Variants in OR52A5 observed in about 807,000 individuals in gnomAD.
OR52A5 encodes olfactory receptor 52A5.
OR52A5 carries 16 observed loss-of-function variants against 18.2 expected under a neutral mutation model. That is an observed-to-expected ratio of 0.88 (90% CI 0.60 to 1.34). OR52A5 has a LOEUF of 1.34. Ranked by LOEUF, OR52A5 falls within the 40% of genes most tolerant of loss-of-function variation. The probability of loss-of-function intolerance (pLI) is 0.00; values close to 1 mark genes in which losing one functional copy is unlikely to be tolerated. For synonymous variants in OR52A5, 140 were observed against 137.2 expected (o/e 1.02, Z -0.14); for missense variants, 418 against 383.0 (o/e 1.09, Z -0.76).
rs1040060270 is a variant in OR52A5, at chr11:5,132,781, T to C, written c.-60-79A>G. 6 of 540,482 alleles carry C rather than the reference T, an allele frequency of 1.1e-5. No individual in the cohort carries two copies. In the African/African-American group the frequency reaches 1.1e-4, roughly 10 times the overall value. 33.5% of individuals were successfully genotyped at this position (540,482 alleles called of 1,614,324 possible). A position where few individuals can be genotyped will look rare whatever the true frequency, so the allele number is the denominator to read the frequency against. Reference sequence around the variant, plus strand: ...TAGTTATTTTAGGAGTGTATCATGTTGTATTTTCTATTCTAACTAATCTTC... The same window carrying C: ...TAGTTATTTTAGGAGTGTATCATGTCGTATTTTCTATTCTAACTAATCTTC... On this transcript the variant is annotated intron_variant, in intron 1 of 1. Transcript: ENST00000307388.
At position 5,132,627 on chromosome 11, in the gene OR52A5, C is replaced by T. The variant is rs768908284; in HGVS notation, c.16G>A (p.Gly6Ser). Residue 6 changes from glycine (G) to serine (S), a missense_variant, in exon 2 of 2, where the codon GGC (glycine) becomes AGC (serine). Physicochemically the swap from Gly to Ser is moderately conservative, Grantham distance 56 (BLOSUM62 0). Transcript: ENST00000307388. The part of the protein sequence containing the change: MPTFN[G>S]SVFMPSAFIL... ...AACGCAGAGGGCATGAAGACTGAGC[C>T]ATTGAATGTCGGCATGATTTGTTCA... The T allele has an allele frequency of 1.4e-5, 23 of 1,589,676 alleles. No individual in the cohort carries two copies. The highest frequency in any genetic ancestry group is 1.5e-5 in the Non-Finnish European group (18 of 1,167,070).
In OR52A5 at chr11:5,129,057, G is replaced by C. The variant is rs1362575593; in HGVS notation, c.*2635C>G. 3 of 152,162 alleles carry C rather than the reference G, an allele frequency of 2.0e-5. No homozygotes were observed. Among genetic ancestry groups the C allele is most frequent in the African/African-American group, 7.2e-5 (3 of 41,428 alleles). 9.4% of individuals were successfully genotyped at this position (152,162 alleles called of 1,614,324 possible). A position where few individuals can be genotyped will look rare whatever the true frequency, so the allele number is the denominator to read the frequency against. ...GTTGTCTCAGCATGCTTCTGAGAAT[G>C]TTACACACAGCTCTGCCCAAAGACA... On this transcript the variant is annotated 3_prime_UTR_variant, in exon 2 of 2. Coordinates refer to ENST00000307388, the MANE Select transcript of OR52A5 (RefSeq NM_001005160.3).
chr11:5,133,379 A>G (rs1423346342), intron 1 of OR52A5, among the ~76,000 whole-genome samples: 3 of 150,312 alleles, frequency 2.0e-5, no homozygotes, highest in South Asian at 2.1e-4. Context: ...AAAAAAAAAA[A>G]AAAAAAAAGA....
Position 5,132,423 on chromosome 11 carries a change from C to T in OR52A5, c.220G>A (p.Ala74Thr). Residue 74 changes from alanine to threonine, a missense_variant, in exon 2 of 2, where the codon GCA becomes ACA. Physicochemically the swap from Ala to Thr is moderately conservative, Grantham distance 58. Coordinates refer to ENST00000307388, the MANE Select transcript of OR52A5 (RefSeq NM_001005160.3). ...FLAMLAATDIALNTCILPKML... is the reference protein window; with the variant it reads ...FLAMLAATDITLNTCILPKML... ...TTGGGAAGAATGCAGGTGTTAAGTG[C>T]AATGTCTGTGGCTGCCAACATGGCC... 6.2e-7 allele frequency: 1 copy of T among 1,614,108 alleles called. No individual in the cohort carries two copies. The highest frequency in any genetic ancestry group is 8.5e-7 in the Non-Finnish European group (1 of 1,179,994).
At chr11:5,137,519 T>C (rs1049769723) in intron 1 of OR52A5, among the ~76,000 whole-genome samples, 7 of 151,918 alleles carry the variant, frequency 4.6e-5, no homozygotes, top group African/African-American at 1.7e-4. Flanking sequence ...TCTCTCTCTT[T>C]TTTTTTTTTT....
Position 5,132,629 on chromosome 11 carries a change from T to C in OR52A5, c.14A>G (p.Asn5Ser), listed in dbSNP as rs528969008. 69 of 1,589,994 alleles carry C rather than the reference T, an allele frequency of 4.3e-5. 1 individual carries two copies. Among genetic ancestry groups the C allele is most frequent in the African/African-American group, 3.6e-4 (27 of 74,120 alleles). Reference protein sequence around the residue: MPTFNGSVFMPSAFI... With the variant: MPTFSGSVFMPSAFI... ...CGCAGAGGGCATGAAGACTGAGCCA[T>C]TGAATGTCGGCATGATTTGTTCATC... Residue 5 changes from asparagine to serine, a missense_variant, in exon 2 of 2, where the codon AAT becomes AGT. Asn to Ser is a conservative substitution (Grantham distance 46). Coordinates refer to ENST00000307388, the MANE Select transcript of OR52A5 (RefSeq NM_001005160.3).
chr11:5,130,711 A>AT lies in OR52A5; in HGVS notation c.*980dup, dbSNP rs1846328817. The AT allele has an allele frequency of 6.6e-6, 1 of 151,978 alleles. No homozygotes were observed. The highest frequency in any genetic ancestry group is 2.4e-5 in the African/African-American group (1 of 41,408). 9.4% of individuals were successfully genotyped at this position (151,978 alleles called of 1,614,324 possible). A position where few individuals can be genotyped will look rare whatever the true frequency, so the allele number is the denominator to read the frequency against. On this transcript the variant is annotated 3_prime_UTR_variant, in exon 2 of 2. Coordinates refer to ENST00000307388, the MANE Select transcript of OR52A5 (RefSeq NM_001005160.3). Reference sequence around the variant, plus strand: ...CTATGTCTGCCTCTTGAATGATATGATTTTTTACATCAGAACGTTTTACCA... The same window carrying AT: ...CTATGTCTGCCTCTTGAATGATATGATTTTTTTACATCAGAACGTTTTACCA...
In OR52A5 at chr11:5,131,868, A is replaced by C. The variant is rs769914127; in HGVS notation, c.775T>G (p.Phe259Val). ...CVFLQFYLLA[F>V]FSFFTHRFGS... is the part of the protein sequence containing the mutation. ...AACCTGTGTGTGAAGAAAGAGAAGA[A>C]GGCAAGAAGGTAGAACTGTAGGAAG... The change falls in exon 2 of 2, where the codon TTC becomes GTC. Residue 259 changes from phenylalanine to valine, a missense_variant. Transcript: ENST00000307388. 1.1e-5 allele frequency: 18 copies of C among 1,614,110 alleles called. No individual in the cohort carries two copies. The highest frequency in any genetic ancestry group is 2.2e-5 in the East Asian group (1 of 44,896).
rs2133520207 is a variant in OR52A5 at position 5,128,919 on chromosome 11, T to TTA, written c.*2771_*2772dup. The stretch of plus-strand genomic sequence containing the variant: ...GGTAGTGATGATGGTTGCACAGCCT[T>TTA]TATAATACACTAAAAATCATCAAAT... On this transcript the variant is annotated 3_prime_UTR_variant, in exon 2 of 2. Coordinates refer to ENST00000307388, the MANE Select transcript of OR52A5 (RefSeq NM_001005160.3). The TTA allele has an allele frequency of 6.6e-6, 1 of 152,138 alleles. No individual in the cohort carries two copies. Among genetic ancestry groups the TTA allele is most frequent in the South Asian group, 2.1e-4 (1 of 4,826 alleles). 9.4% of individuals were successfully genotyped at this position (152,138 alleles called of 1,614,324 possible). A position where few individuals can be genotyped will look rare whatever the true frequency, so the allele number is the denominator to read the frequency against.
At position 5,130,044 on chromosome 11, in the gene OR52A5, T is replaced by C. The variant is rs947761764; in HGVS notation, c.*1648A>G. 6.6e-6 allele frequency: 1 copy of C among 152,152 alleles called. No individual in the cohort carries two copies. Among genetic ancestry groups the C allele is most frequent in the African/African-American group, 2.4e-5 (1 of 41,430 alleles). The allele number at this position is 152,152 out of a possible 1,614,324, so 9.4% of individuals were successfully genotyped here. A position where few individuals can be genotyped will look rare whatever the true frequency, so the allele number is the denominator to read the frequency against. On this transcript the variant is annotated 3_prime_UTR_variant, in exon 2 of 2. Transcript: ENST00000307388. ...CATTAGATAATGTGCATTTTTAAGATCTTTGTTGTTTGTCTTCCCTCATAC... is the reference window on the plus strand; with the variant it reads ...CATTAGATAATGTGCATTTTTAAGACCTTTGTTGTTTGTCTTCCCTCATAC...
chr11:5,135,647 T>C (rs578213579), intron 1 of OR52A5, among the ~76,000 whole-genome samples: 119 of 152,304 alleles, frequency 7.8e-4, no homozygotes, highest in African/African-American at 2.8e-3. Flanking sequence ...ACCCAGAGGC[T>C]TCATCTGCAT....
chr11:5,131,665 C>G lies in OR52A5; in HGVS notation c.*27G>C. On this transcript the variant is annotated 3_prime_UTR_variant, in exon 2 of 2. Coordinates refer to ENST00000307388, the MANE Select transcript of OR52A5 (RefSeq NM_001005160.3). ...TTTAGGTTTTTACTTAGAACCAACC[C>G]TAAATCTCTATAGGAGTCACTAACG... 6.9e-7 allele frequency: 1 copy of G among 1,447,616 alleles called. No individual in the cohort carries two copies. Among genetic ancestry groups the G allele is most frequent in the Non-Finnish European group, 9.6e-7 (1 of 1,044,420 alleles). The allele number at this position is 1,447,616 out of a possible 1,614,324, so 89.7% of individuals were successfully genotyped here. A position where few individuals can be genotyped will look rare whatever the true frequency, so the allele number is the denominator to read the frequency against.
intron 1 of OR52A5, among the ~76,000 whole-genome samples, chr11:5,133,746 C>T (rs1054798892): frequency 6.6e-6 from 1 of 152,058 alleles, no homozygotes; most frequent in Non-Finnish European, 1.5e-5. Context: ...CCAACATATA[C>T]CCTCTAATTT....
chr11:5,133,363 C>CAAA (rs745895019), intron 1 of OR52A5, among the ~76,000 whole-genome samples: 307 of 62,200 alleles, frequency 4.9e-3, no homozygotes, highest in East Asian at 6.4e-3. Context: ...GCGAGACTGT[C>CAAA]AAAAAAAAAA....
At position 5,130,496 on chromosome 11, in the gene OR52A5, T is replaced by G. The variant is rs568620678; in HGVS notation, c.*1196A>C. 6 of 152,172 alleles carry G rather than the reference T, an allele frequency of 3.9e-5. No individual in the cohort carries two copies. Among genetic ancestry groups the G allele is most frequent in the African/African-American group, 1.4e-4 (6 of 41,568 alleles). 9.4% of individuals were successfully genotyped at this position (152,172 alleles called of 1,614,324 possible). On this transcript the variant is annotated 3_prime_UTR_variant, in exon 2 of 2. Coordinates refer to ENST00000307388, the MANE Select transcript of OR52A5 (RefSeq NM_001005160.3). ...TCCAGAATTAAAATGGTTATTTCAT[T>G]ATTAAGTTTTGCTTATCTAATTCAA...
At chr11:5,134,908 C>T (rs886480519) in intron 1 of OR52A5, among the ~76,000 whole-genome samples, 4 of 152,102 alleles carry the variant, frequency 2.6e-5, no homozygotes, top group African/African-American at 7.2e-5. Flanking sequence ...TTGAGATTAT[C>T]GCCCAGGCTG....
rs563491942 is a variant in OR52A5 at position 5,132,416 on chromosome 11, T to A, written c.227A>T (p.Asn76Ile). The A allele has an allele frequency of 5.6e-6, 9 of 1,614,180 alleles. No homozygotes were observed. In the East Asian group the frequency reaches 2.0e-4, roughly 36 times the overall value. ...AMLAATDIAL[N>I]TCILPKMLGI... ...TAACATTTTGGGAAGAATGCAGGTGTTAAGTGCAATGTCTGTGGCTGCCAA... is the reference window on the plus strand; with the variant it reads ...TAACATTTTGGGAAGAATGCAGGTGATAAGTGCAATGTCTGTGGCTGCCAA... Residue 76 changes from asparagine to isoleucine, a missense_variant, in exon 2 of 2, where the codon AAC becomes ATC. By Grantham distance (149) the Asn-to-Ile change is moderately radical (BLOSUM62 -3). Coordinates refer to ENST00000307388, the MANE Select transcript of OR52A5 (RefSeq NM_001005160.3).
At position 5,128,853 on chromosome 11, in the gene OR52A5, A is replaced by G. The variant is rs1037812965; in HGVS notation, c.*2839T>C. On this transcript the variant is annotated 3_prime_UTR_variant, in exon 2 of 2. Coordinates refer to ENST00000307388, the MANE Select transcript of OR52A5 (RefSeq NM_001005160.3). ...AGTAATGGGATGTGACTACTAATGTATATAGATTTTTTTTTAGGATGACGA... is the reference window on the plus strand; with the variant it reads ...AGTAATGGGATGTGACTACTAATGTGTATAGATTTTTTTTTAGGATGACGA... The G allele has an allele frequency of 6.6e-6, 1 of 152,108 alleles. No individual in the cohort carries two copies. The highest frequency in any genetic ancestry group is 1.5e-5 in the Non-Finnish European group (1 of 68,000). The allele number at this position is 152,108 out of a possible 1,614,324, so 9.4% of individuals were successfully genotyped here.
intron 1 of OR52A5, among the ~76,000 whole-genome samples, chr11:5,135,714 G>T (rs1846387274): frequency 6.6e-6 from 1 of 152,104 alleles, no homozygotes; most frequent in South Asian, 2.1e-4. Flanking sequence ...CTTTCTAATT[G>T]CCAGTTAGAA....
Sources: allele counts gnomAD v4.1 joint callset (sites outside exome capture counted in the v4.1 genomes callset), GRCh38; gene constraint gnomAD v4.1.1; transcripts MANE v1.5; gene names NCBI Gene and HGNC (gene_info 2026-07-23, HGNC 2026-07-21).